Variants in PLEKHA7 observed in about 807,000 individuals in gnomAD.
The protein encoded by PLEKHA7 is pleckstrin homology domain containing A7.
In PLEKHA7, 104 loss-of-function variants were observed where a neutral mutation model predicts 170.0. That is an observed-to-expected ratio of 0.61 (90% confidence interval 0.52 to 0.72). PLEKHA7 has a LOEUF of 0.72. PLEKHA7 is among the 30% of genes least tolerant of loss of function. PLEKHA7 has a pLI of 0.00. For missense variants in PLEKHA7, 1,615 were observed against 1,671.7 expected (o/e 0.97, Z 0.59); for synonymous variants, 648 against 660.8 (o/e 0.98, Z 0.30).
At chr11:16,928,678 A>AC in intron 3 of PLEKHA7, among the ~76,000 whole-genome samples, 1 of 151,768 alleles carries the variant, frequency 6.6e-6, no homozygotes, top group East Asian at 1.9e-4. Context: ...CTGGTTTCAA[A>AC]TCCTGGGCTC....
intron 9 of PLEKHA7, among the ~76,000 whole-genome samples, chr11:16,831,665 G>C (rs989485651): frequency 6.6e-6 from 1 of 152,214 alleles, no homozygotes; most frequent in African/African-American, 2.4e-5. Flanking sequence ...GAACCAGCTG[G>C]ACCTAGATTC....
chr11:16,982,116 G>A (rs1234250394), intron 3 of PLEKHA7, among the ~76,000 whole-genome samples: 1 of 152,226 alleles, frequency 6.6e-6, no homozygotes, highest in Non-Finnish European at 1.5e-5. Context: ...GTCTCCCCCA[G>A]GAAGCTGGGA....
intron 3 of PLEKHA7, among the ~76,000 whole-genome samples, chr11:16,968,802 C>A (rs909513753): frequency 2.0e-5 from 3 of 152,140 alleles, no homozygotes; most frequent in Admixed American, 6.5e-5. Flanking sequence ...TTTCACATCC[C>A]CCACTTAACA....
chr11:16,947,756 T>C (rs1861128542), intron 3 of PLEKHA7, among the ~76,000 whole-genome samples: 1 of 150,140 alleles, frequency 6.7e-6, no homozygotes, highest in Non-Finnish European at 1.5e-5. Flanking sequence ...TCTCTACTAA[T>C]ACACAAAAAA....
In PLEKHA7 at chr11:16,786,931, G is replaced by A; in HGVS notation, c.3358-544C>T. On this transcript the variant is annotated intron_variant, in intron 23 of 26. Coordinates refer to ENST00000531066, the MANE Select transcript of PLEKHA7 (RefSeq NM_001329630.2). ...GGGAGGTACAAGCAAAAGCAGCTTG[G>A]AGCCAATGAGGCAGAAAAACTGCTG... 4.1e-6 allele frequency: 4 copies of A among 985,364 alleles called. No individual in the cohort carries two copies. In the South Asian group the frequency reaches 1.9e-4, roughly 46 times the overall value. The allele number at this position is 985,364 out of a possible 1,614,324, so 61.0% of individuals were successfully genotyped here.
At chr11:16,808,757 C>T (rs947979773) in intron 13 of PLEKHA7, among the ~76,000 whole-genome samples, 2 of 152,186 alleles carry the variant, frequency 1.3e-5, no homozygotes, top group Admixed American at 6.5e-5. Flanking sequence ...GTGTCAACAA[C>T]AGTGAACCCC....
chr11:16,783,904 T>C, intron 24 of PLEKHA7, 71 bp from the exon 25 acceptor site: 1 of 1,303,972 alleles, frequency 7.7e-7, no homozygotes, highest in Non-Finnish European at 9.8e-7. Flanking sequence ...TTTCCCCACC[T>C]CTGTCCCCTC....
At chr11:16,795,816 A>C (rs1848185835) in intron 17 of PLEKHA7, among the ~76,000 whole-genome samples, 1 of 149,994 alleles carries the variant, frequency 6.7e-6, no homozygotes, top group African/African-American at 2.4e-5. Flanking sequence ...AAAGGTGGTA[A>C]ATTTATGTTC....
At chr11:16,888,177 AGT>A (rs1856306467) in intron 3 of PLEKHA7, among the ~76,000 whole-genome samples, 1 of 151,174 alleles carries the variant, frequency 6.6e-6, no homozygotes, top group African/African-American at 2.4e-5. Context: ...CCCTCTGGGA[AGT>A]GAGGAGCCCC....
chr11:16,798,144 T>C (rs1484186926), intron 17 of PLEKHA7, among the ~76,000 whole-genome samples: 2 of 152,188 alleles, frequency 1.3e-5, no homozygotes, highest in Non-Finnish European at 2.9e-5. Context: ...GGGAGGCGAA[T>C]TTCTAAGCCC....
At chr11:16,980,511 A>G (rs1365377582) in intron 3 of PLEKHA7, among the ~76,000 whole-genome samples, 1 of 152,276 alleles carries the variant, frequency 6.6e-6, no homozygotes, top group Non-Finnish European at 1.5e-5. Flanking sequence ...GGCAGAAGGC[A>G]GAATGCTCAG....
chr11:16,846,505 CTCA>C (rs995458009), intron 8 of PLEKHA7, among the ~76,000 whole-genome samples: 5 of 152,092 alleles, frequency 3.3e-5, no homozygotes, highest in Non-Finnish European at 7.3e-5. Flanking sequence ...TGCTTGTTTC[CTCA>C]TATTTAAAAT....
chr11:16,926,607 G>A (rs541807773), intron 3 of PLEKHA7, among the ~76,000 whole-genome samples: 1 of 152,338 alleles, frequency 6.6e-6, no homozygotes, highest in Non-Finnish European at 1.5e-5. Flanking sequence ...AGTCTTGGCA[G>A]TCAAGAAAGG....
intron 3 of PLEKHA7, among the ~76,000 whole-genome samples, chr11:17,003,450 C>G (rs1009711717): frequency 2.6e-5 from 4 of 152,218 alleles, no homozygotes; most frequent in Admixed American, 1.3e-4. Flanking sequence ...TGCCCCATAG[C>G]TGTGTGGATG....
chr11:16,949,900 G>A (rs1405636320), intron 3 of PLEKHA7, among the ~76,000 whole-genome samples: 1 of 152,068 alleles, frequency 6.6e-6, no homozygotes, highest in Non-Finnish European at 1.5e-5. Context: ...AAGCCAAGAT[G>A]AGGTTCTGAG....
intron 3 of PLEKHA7, among the ~76,000 whole-genome samples, chr11:16,907,143 C>T (rs1590569834): frequency 9.8e-6 from 1 of 101,580 alleles, no homozygotes; most frequent in Non-Finnish European, 2.1e-5. Context: ...GGCCAGCCGC[C>T]CCGTCCGGAA....
intron 3 of PLEKHA7, among the ~76,000 whole-genome samples, chr11:16,930,362 C>T (rs1057372101): frequency 2.0e-5 from 3 of 152,172 alleles, no homozygotes; most frequent in African/African-American, 4.8e-5. Flanking sequence ...AGGAGGATCT[C>T]TTGAACCCAG....
At chr11:16,942,408 A>G (rs1411910932) in intron 3 of PLEKHA7, among the ~76,000 whole-genome samples, 2 of 152,160 alleles carry the variant, frequency 1.3e-5, no homozygotes, top group African/African-American at 4.8e-5. Flanking sequence ...TGAAGTAGAC[A>G]TTGGGGCCTT....
intron 24 of PLEKHA7, 81 bp from the exon 25 acceptor site, chr11:16,783,914 C>G: frequency 7.8e-7 from 1 of 1,277,504 alleles, no homozygotes. Flanking sequence ...TCTGTCCCCT[C>G]CCACCATGGG....
Sources: gnomAD v4.1 joint callset for allele counts (sites outside exome capture counted in the v4.1 genomes callset) on GRCh38, gnomAD v4.1.1 for gene constraint, MANE v1.5 for transcripts, NCBI Gene and HGNC (gene_info 2026-07-23, HGNC 2026-07-21) for gene names.